SNX29: variants seen among roughly 807,000 people sequenced by gnomAD.
The protein encoded by SNX29 is sorting nexin 29, also known as sorting nexin-29.
A neutral mutation model predicts 102.1 loss-of-function variants in SNX29; 78 were observed. The observed-to-expected ratio is 0.76, with a 90% CI of 0.64 to 0.92. The LOEUF is 0.92. Ranked by LOEUF, SNX29 falls within the 40% of genes least tolerant of loss-of-function variation. SNX29 has a pLI of 0.00. For missense variants in SNX29, 1,280 were observed against 1,061.7 expected, an observed-to-expected ratio of 1.21 and a Z score of -2.86; for synonymous variants, 580 against 414.5, an observed-to-expected ratio of 1.40 and a Z score of -4.85.
At chr16:12,187,982 C>A (rs116534279) in intron 13 of SNX29, among the ~76,000 whole-genome samples, 65 of 152,278 alleles carry the variant, frequency 4.3e-4, no homozygotes, top group African/African-American at 1.5e-3. Context: ...AGGGGATGAG[C>A]TGGGGAAGAG....
chr16:12,537,097 G>T (rs748289237), intron 20 of SNX29, among the ~76,000 whole-genome samples: 2 of 152,192 alleles, frequency 1.3e-5, no homozygotes, highest in Non-Finnish European at 2.9e-5. Context: ...CTCCACCCAC[G>T]GTCAGTCCCT....
intron 13 of SNX29, among the ~76,000 whole-genome samples, chr16:12,176,992 G>T (rs1306736817): frequency 1.3e-5 from 2 of 152,066 alleles, no homozygotes; most frequent in Non-Finnish European, 1.5e-5. Context: ...TTGTCATCCA[G>T]GCTGGAGTGT....
At chr16:12,149,693 C>G (rs1320476505) in intron 13 of SNX29, among the ~76,000 whole-genome samples, 1 of 152,132 alleles carries the variant, frequency 6.6e-6, no homozygotes, top group Non-Finnish European at 1.5e-5. Flanking sequence ...ATAATAGAAC[C>G]TACCTCATGG....
At chr16:12,542,350 GAA>G (rs2077380733) in intron 20 of SNX29, among the ~76,000 whole-genome samples, 2 of 152,254 alleles carry the variant, frequency 1.3e-5, no homozygotes, top group East Asian at 1.9e-4. Context: ...TGTCTCAAAA[GAA>G]AAAGTTAGAC....
At chr16:12,241,253 T>C (rs2078095672) in intron 14 of SNX29, among the ~76,000 whole-genome samples, 1 of 152,192 alleles carries the variant, frequency 6.6e-6, no homozygotes, top group African/African-American at 2.4e-5. Context: ...TGGTAGTCTC[T>C]TAGAATTCAT....
rs944337991 is a variant in SNX29, at chr16:12,571,876, T to C, written c.*3247T>C. Reference sequence around the variant, plus strand: ...GTTGCTGGCAAGGCATTTTAGAGTTTGGAGCTGAGGTTCAAAGCCCCCTGC... The same window carrying C: ...GTTGCTGGCAAGGCATTTTAGAGTTCGGAGCTGAGGTTCAAAGCCCCCTGC... On this transcript the variant is annotated 3_prime_UTR_variant, in exon 21 of 21. Transcript: ENST00000566228. 31 of 1,061,748 alleles carry C rather than the reference T, an allele frequency of 2.9e-5. 1 individual carries two copies. The highest frequency in any genetic ancestry group is 8.4e-4 in the Middle Eastern group (2 of 2,372). 65.8% of individuals were successfully genotyped at this position (1,061,748 alleles called of 1,614,324 possible).
intron 14 of SNX29, among the ~76,000 whole-genome samples, chr16:12,232,813 A>G (rs2077810783): frequency 6.6e-6 from 1 of 152,234 alleles, no homozygotes; most frequent in Admixed American, 6.5e-5. Flanking sequence ...AAGTCAGCAC[A>G]CATTGGTCCT....
intron 18 of SNX29, among the ~76,000 whole-genome samples, chr16:12,427,812 C>T (rs975622434): frequency 6.6e-6 from 1 of 152,178 alleles, no homozygotes; most frequent in Admixed American, 6.5e-5. Context: ...TGAAAATGAC[C>T]CCATGACTGG....
intron 20 of SNX29, among the ~76,000 whole-genome samples, chr16:12,532,971 C>T (rs1170800477): frequency 2.0e-5 from 3 of 152,222 alleles, no homozygotes; most frequent in Non-Finnish European, 4.4e-5. Context: ...GCGGGTGGCG[C>T]AGCACGGCTG....
chr16:12,556,667 G>A (rs2078371012), intron 20 of SNX29: 1 of 152,238 alleles, frequency 6.6e-6, no homozygotes, highest in East Asian at 1.9e-4. Flanking sequence ...GACAGAAGTG[G>A]AAGCAGTAGT....
At chr16:12,049,989 C>G (rs1443632306) in intron 7 of SNX29, among the ~76,000 whole-genome samples, 1 of 152,164 alleles carries the variant, frequency 6.6e-6, no homozygotes, top group Admixed American at 6.6e-5. Flanking sequence ...TGTGGCCATC[C>G]CTTTGGAATT....
intron 13 of SNX29, among the ~76,000 whole-genome samples, chr16:12,192,280 C>T (rs2076661839): frequency 6.6e-6 from 1 of 152,124 alleles, no homozygotes; most frequent in Non-Finnish European, 1.5e-5. Context: ...TTGTTTGGGG[C>T]TGGGAGTGGG....
intron 19 of SNX29, among the ~76,000 whole-genome samples, chr16:12,492,398 T>G (rs1014636086): frequency 6.1e-4 from 93 of 152,304 alleles, no homozygotes; most frequent in African/African-American, 2.2e-3. Flanking sequence ...TCTTGTAAAT[T>G]TGTTTGAGTT....
chr16:12,184,475 T>G (rs906376950), intron 13 of SNX29, among the ~76,000 whole-genome samples: 15 of 152,196 alleles, frequency 9.9e-5, no homozygotes, highest in African/African-American at 3.6e-4. Context: ...AAGGTTCAGA[T>G]CTCCTAGAGC....
At chr16:12,131,610 G>T (rs2054470492) in intron 13 of SNX29, among the ~76,000 whole-genome samples, 1 of 152,156 alleles carries the variant, frequency 6.6e-6, no homozygotes, top group South Asian at 2.1e-4. Flanking sequence ...TTAGCATTCA[G>T]GTTGTTTCCA....
chr16:12,193,911 TTGGGCAA>T (rs1448463050), intron 13 of SNX29, among the ~76,000 whole-genome samples: 1 of 152,204 alleles, frequency 6.6e-6, no homozygotes, highest in Non-Finnish European at 1.5e-5. Flanking sequence ...AGTTCTAAAA[TTGGGCAA>T]TGTGAGTCTT....
At position 12,356,312 on chromosome 16, in the gene SNX29, A is replaced by G. The variant is rs141128112; in HGVS notation, c.1899+33A>G. On this transcript the variant is annotated intron_variant, in intron 16 of 20. Transcript: ENST00000566228. ...TTTCCCCAACCCTGTGTGTCTGTCA[A>G]GCCTCTGCTGCCCACAGCCCAGTAG... 138 of 1,544,344 alleles carry G rather than the reference A, an allele frequency of 8.9e-5. 3 individuals carry two copies. The African/African-American group carries it at 1.5e-3, about 17-fold the overall frequency.
chr16:12,097,353 T>C (rs1038291743), intron 11 of SNX29, among the ~76,000 whole-genome samples: 4 of 152,152 alleles, frequency 2.6e-5, no homozygotes, highest in Non-Finnish European at 2.9e-5. Flanking sequence ...ATGTTTTAGC[T>C]TCACCTGGAG....
At chr16:12,019,783 C>A (rs941462556) in intron 3 of SNX29, among the ~76,000 whole-genome samples, 1 of 151,668 alleles carries the variant, frequency 6.6e-6, no homozygotes. Flanking sequence ...ATTACAGGCA[C>A]GTACCACCAC....
Sources: allele counts gnomAD v4.1 joint callset (sites outside exome capture counted in the v4.1 genomes callset), GRCh38; gene constraint gnomAD v4.1.1; transcripts MANE v1.5; gene names NCBI Gene and HGNC (gene_info 2026-07-23, HGNC 2026-07-21).